NAXD: variants seen among roughly 807,000 people sequenced by gnomAD.
NAXD encodes the protein ATP-dependent (S)-NAD(P)H-hydrate dehydratase.
NAXD carries 22 observed loss-of-function variants against 35.8 expected under a neutral mutation model. The observed-to-expected ratio is 0.62, with a 90% CI of 0.44 to 0.88. The LOEUF is 0.88. Ranked by LOEUF, NAXD falls within the 40% of genes least tolerant of loss-of-function variation. The pLI, the probability that NAXD is intolerant of heterozygous loss-of-function variation, is 0.00. For missense variants in NAXD, 428 were observed against 437.7 expected (o/e 0.98, Z 0.20); for synonymous variants, 189 against 177.6 (o/e 1.06, Z -0.51).
chr13:110,638,203 A>G lies in NAXD; in HGVS notation c.840-175A>G. The G allele has an allele frequency of 6.5e-7, 1 of 1,526,836 alleles. No homozygotes were observed. The highest frequency in any genetic ancestry group is 8.8e-7 in the Non-Finnish European group (1 of 1,136,278). 94.6% of individuals were successfully genotyped at this position (1,526,836 alleles called of 1,614,324 possible). Reference sequence around the variant, plus strand: ...CCTGCCAGGGAGTAGTGGAGGGTTAATGGTGGTTTTCGCTGTGATAAACCT... The same window carrying G: ...CCTGCCAGGGAGTAGTGGAGGGTTAGTGGTGGTTTTCGCTGTGATAAACCT... On this transcript the variant is annotated intron_variant, in intron 9 of 9. Transcript: ENST00000680254. This position sits in a 1 kb window ranked among gnomAD's most constrained non-coding sequence, Gnocchi z 5.4.
intron 9 of NAXD, 46 bp downstream of exon 9, chr13:110,637,295 T>G: frequency 6.2e-7 from 1 of 1,611,314 alleles, no homozygotes; most frequent in Non-Finnish European, 8.5e-7. Context: ...CGTCTGATTT[T>G]TCTAAGCTGT....
In NAXD at chr13:110,632,187, A is replaced by G. The variant is rs191725315; in HGVS notation, c.442-2358A>G. On this transcript the variant is annotated intron_variant, in intron 5 of 9. Transcript: ENST00000680254. The stretch of plus-strand genomic sequence containing the variant: ...TGGTCTCTGTCTCAGGAGTGAGGCT[A>G]CAGACCTTCGCGGTGAGTGTTACAG... Among the ~76,000 whole-genome samples the G allele has an allele frequency of 2.7e-3, 337 of 126,918 alleles. 1 individual carries two copies. Among genetic ancestry groups the G allele is most frequent in the African/African-American group, 8.2e-3 (279 of 34,224 alleles). 83.3% of individuals were successfully genotyped at this position (126,918 alleles called of 152,430 possible).
At chr13:110,626,962 AAACGGGCT>A (rs1451177025) in intron 4 of NAXD, among the ~76,000 whole-genome samples, 4 of 152,272 alleles carry the variant, frequency 2.6e-5, no homozygotes, top group Admixed American at 2.6e-4. Flanking sequence ...TGATGGAAAC[AAACGGGCT>A]AACTTTAGAG....
At chr13:110,629,619 A>C (rs546648157) in intron 5 of NAXD, among the ~76,000 whole-genome samples, 1 of 152,324 alleles carries the variant, frequency 6.6e-6, no homozygotes, top group African/African-American at 2.4e-5. Flanking sequence ...TTATATTTAG[A>C]GTTACCTGTG....
upstream of NAXD, chr13:110,615,463 TA>T: frequency 1.3e-6 from 1 of 765,566 alleles, no homozygotes; most frequent in South Asian, 2.5e-5. Context: ...GTCAATCATC[TA>T]GAACCGGGTG....
chr13:110,634,407 C>T, intron 5 of NAXD, 138 bp from the exon 6 acceptor site: 4 of 830,248 alleles, frequency 4.8e-6, no homozygotes, highest in Non-Finnish European at 4.0e-6. Context: ...CATGAGGACA[C>T]TGCCACATCA....
Position 110,634,606 on chromosome 13 carries a change from T to C in NAXD, c.492+11T>C, listed in dbSNP as rs756773340. 6.2e-7 allele frequency: 1 copy of C among 1,614,212 alleles called. No homozygotes were observed. Among genetic ancestry groups the C allele is most frequent in the Non-Finnish European group, 8.5e-7 (1 of 1,180,018 alleles). On this transcript the variant is annotated intron_variant, in intron 6 of 9. Transcript: ENST00000680254. The stretch of plus-strand genomic sequence containing the variant: ...GTTGTCATCGACGCGGTGAGTTGAC[T>C]TCTCTCCTCCTGGCTCGGACTCCCG...
intron 1 of NAXD, chr13:110,615,911 G>T (rs1215525018): frequency 4.4e-6 from 3 of 680,456 alleles, no homozygotes; most frequent in African/African-American, 3.8e-5. Context: ...GAACGGCGCG[G>T]CGACGGCTGG....
In NAXD at chr13:110,635,471, A is replaced by G; in HGVS notation, c.601A>G (p.Arg201Gly). The G allele has an allele frequency of 6.2e-7, 1 of 1,613,776 alleles. No individual in the cohort carries two copies. Among genetic ancestry groups the G allele is most frequent in the South Asian group, 1.1e-5 (1 of 91,080 alleles). ...CTGTCTTCCTGTGTTGTCATAGCTC[A>G]GAGGCCCTATGGACAGCGATGACAG... Reference protein sequence around the residue: ...EFSRLYDAVLRGPMDSDDSHG... With the variant: ...EFSRLYDAVLGGPMDSDDSHG... Residue 201 changes from arginine (R) to glycine (G), a missense_variant, in exon 8 of 10, where the codon AGA becomes GGA. By Grantham distance (125) the Arg-to-Gly change is moderately radical. This residue lies in a region of NAXD where 209 missense variants were observed against 214.6 expected (regional missense o/e 0.97). Coordinates refer to ENST00000680254, the MANE Select transcript of NAXD (RefSeq NM_001242882.2).
In NAXD at chr13:110,628,724, A is replaced by AG. The variant is rs777255982; in HGVS notation, c.441+1178dup. On this transcript the variant is annotated intron_variant, in intron 5 of 9. Coordinates refer to ENST00000680254, the MANE Select transcript of NAXD (RefSeq NM_001242882.2). This position sits in a 1 kb window ranked among gnomAD's most constrained non-coding sequence, Gnocchi z 4.1. ...GGAGGTGGCCATGTTTAGGAGCAGT[A>AG]GAACCCTCTGTCATCCCCGGGGAGA... 6.6e-6 allele frequency among the ~76,000 whole-genome samples: 1 copy of AG among 152,022 alleles called. No individual in the cohort carries two copies. The highest frequency in any genetic ancestry group is 1.5e-5 in the Non-Finnish European group (1 of 68,002).
chr13:110,626,943 A>G (rs907440974), intron 4 of NAXD, among the ~76,000 whole-genome samples: 6 of 152,216 alleles, frequency 3.9e-5, no homozygotes, highest in African/African-American at 1.4e-4. Flanking sequence ...TTACAGCCAC[A>G]CATGTATGTG....
intron 1 of NAXD, 97 bp from the exon 2 acceptor site, chr13:110,622,119 C>T (rs551830876): frequency 9.4e-6 from 9 of 955,798 alleles, no homozygotes; most frequent in Admixed American, 5.7e-5. Flanking sequence ...CTATAGCATT[C>T]GTAATAACTT....
At chr13:110,617,478 CA>C (rs1486840035) in intron 1 of NAXD, among the ~76,000 whole-genome samples, 1 of 152,160 alleles carries the variant, frequency 6.6e-6, no homozygotes, top group African/African-American at 2.4e-5. Flanking sequence ...ATGTTAAGTT[CA>C]AATGGTGACG....
At chr13:110,635,910 C>T (rs972538109) in intron 8 of NAXD, among the ~76,000 whole-genome samples, 1 of 152,266 alleles carries the variant, frequency 6.6e-6, no homozygotes, top group Non-Finnish European at 1.5e-5. Flanking sequence ...CAGGGTCCCG[C>T]GTCTCCAGCT....
At chr13:110,631,131 C>T (rs1886681042) in intron 5 of NAXD, among the ~76,000 whole-genome samples, 3 of 152,182 alleles carry the variant, frequency 2.0e-5, no homozygotes, top group South Asian at 4.1e-4. Context: ...TTTGAACCCA[C>T]GTTGTCTGAA....
In NAXD at chr13:110,638,291, G is replaced by A; in HGVS notation, c.840-87G>A. 1 of 1,605,204 alleles carries A rather than the reference G, an allele frequency of 6.2e-7. No individual in the cohort carries two copies. Among genetic ancestry groups the A allele is most frequent in the South Asian group, 1.1e-5 (1 of 90,096 alleles). On this transcript the variant is annotated intron_variant, in intron 9 of 9. Coordinates refer to ENST00000680254, the MANE Select transcript of NAXD (RefSeq NM_001242882.2). The surrounding 1 kb of genome is among the most constrained non-coding windows in gnomAD (Gnocchi z 5.4). ...AATTTGGGGTCCTGAGATTGAAACA[G>A]GAGTCAAAACCAGAGCCCAGGGTAG...
intron 4 of NAXD, among the ~76,000 whole-genome samples, chr13:110,626,803 G>T (rs1262532684): frequency 6.6e-6 from 1 of 152,186 alleles, no homozygotes. Context: ...TTAACAGTGG[G>T]CTCTAGGAGA....
intron 5 of NAXD, among the ~76,000 whole-genome samples, chr13:110,633,413 C>G (rs900435568): frequency 6.6e-6 from 1 of 152,230 alleles, no homozygotes; most frequent in Non-Finnish European, 1.5e-5. Context: ...GCGCCTCTCC[C>G]TCCACACCTC....
At chr13:110,627,660 C>T in intron 5 of NAXD, 113 bp downstream of exon 5, 1 of 702,224 alleles carries the variant, frequency 1.4e-6, no homozygotes, top group Non-Finnish European at 2.5e-6. Context: ...CTCTTTGTGG[C>T]ATGATTGAGA....
Sources: allele counts gnomAD v4.1 joint callset (sites outside exome capture counted in the v4.1 genomes callset), GRCh38; gene constraint gnomAD v4.1.1; regional missense constraint gnomAD v4.1.1; non-coding constraint Gnocchi (gnomAD v3.1); transcripts MANE v1.5; gene names NCBI Gene and HGNC (gene_info 2026-07-23, HGNC 2026-07-21).